RIF1: variants seen among roughly 807,000 people sequenced by gnomAD.
RIF1 encodes telomere-associated protein RIF1.
RIF1 carries 45 observed loss-of-function variants against 247.1 expected under a neutral mutation model. The ratio of observed to expected loss-of-function variants is 0.18; its 90% CI spans 0.14 to 0.23. The LOEUF (loss-of-function observed/expected upper bound fraction) is 0.23, where lower values mean the gene tolerates loss of function less well. RIF1 is among the 10% of genes least tolerant of loss of function. The probability of loss-of-function intolerance (pLI) is 1.00; values close to 1 mark genes in which losing one functional copy is unlikely to be tolerated. For synonymous variants in RIF1, 1,087 were observed against 978.8 expected (o/e 1.11, Z -2.06); for missense variants, 2,967 against 2,862.5 (o/e 1.04, Z -0.83).
intron 21 of RIF1, among the ~76,000 whole-genome samples, chr2:151,452,867 G>T (rs1479221270): frequency 6.6e-6 from 1 of 152,180 alleles, no homozygotes; most frequent in Non-Finnish European, 1.5e-5. Flanking sequence ...ATCCAATTCA[G>T]GAACCCACAG....
At chr2:151,432,823 C>T (rs1690422221) in intron 9 of RIF1, among the ~76,000 whole-genome samples, 2 of 152,124 alleles carry the variant, frequency 1.3e-5, no homozygotes, top group South Asian at 4.1e-4. Flanking sequence ...ATTGCCCCGG[C>T]ACACAATATC....
intron 8 of RIF1, among the ~76,000 whole-genome samples, chr2:151,427,782 T>C (rs1689381603): frequency 6.7e-6 from 1 of 149,852 alleles, no homozygotes; most frequent in Admixed American, 6.7e-5. Context: ...ATACAAAAAT[T>C]AGGCCGGCAT....
At position 151,489,896 on chromosome 2, in the gene RIF1, C is replaced by G. The variant is rs562192701; in HGVS notation, c.*416-5333C>G. On this transcript the variant is annotated intron_variant and NMD_transcript_variant, in intron 9 of 13. Coordinates refer to the RIF1 transcript ENST00000454583. ...GGTTTGGTTAAAAAAAACCGTAATA[C>G]CTAATACTTATAATCATGTTTGCAC... is the stretch of plus-strand genomic sequence containing the variant. 5.7e-5 allele frequency: 66 copies of G among 1,167,148 alleles called. No homozygotes were observed. The East Asian group carries it at 1.4e-3, about 25-fold the overall frequency. 72.3% of individuals were successfully genotyped at this position (1,167,148 alleles called of 1,614,324 possible).
At chr2:151,518,509 G>T in the RIF1 span, 1 of 805,486 alleles carries the variant, frequency 1.2e-6, no homozygotes. Context: ...CGTTTACACA[G>T]CACCATTGTC....
chr2:151,450,442 A>G (rs537412008), intron 20 of RIF1, among the ~76,000 whole-genome samples: 22 of 152,296 alleles, frequency 1.4e-4, no homozygotes, highest in African/African-American at 5.3e-4. Flanking sequence ...ATTGTTATAC[A>G]TTAGAGATTA....
downstream of RIF1, chr2:151,512,791 G>A (rs767053656): frequency 6.2e-7 from 1 of 1,613,852 alleles, no homozygotes; most frequent in Admixed American, 1.7e-5. Context: ...ATCAACCACA[G>A]AAGTGAAATT....
chr2:151,431,727 G>A (rs544521995), intron 9 of RIF1, among the ~76,000 whole-genome samples: 6 of 152,218 alleles, frequency 3.9e-5, no homozygotes, highest in East Asian at 1.9e-4. Context: ...GCAGTGAGCC[G>A]AGATCATGCC....
intron 20 of RIF1, among the ~76,000 whole-genome samples, chr2:151,449,315 T>C (rs1346723717): frequency 6.6e-6 from 1 of 152,220 alleles, no homozygotes; most frequent in Non-Finnish European, 1.5e-5. Flanking sequence ...GGAGTTCTCA[T>C]TGTTCAATTT....
intron 13 of RIF1, chr2:151,507,028 T>TAAAC (rs1353413783): frequency 7.0e-7 from 1 of 1,438,846 alleles, no homozygotes; most frequent in East Asian, 2.3e-5. Context: ...GAAGAAAGAG[T>TAAAC]AAACATCTTG....
chr2:151,513,864 A>C, the RIF1 span, among the ~76,000 whole-genome samples: 3 of 152,222 alleles, frequency 2.0e-5, no homozygotes, highest in Non-Finnish European at 4.4e-5. Flanking sequence ...TGGTGTCTTC[A>C]GAAGCCCTCT....
At chr2:151,417,009 T>A in intron 6 of RIF1, 108 bp downstream of exon 6, 18 of 743,022 alleles carry the variant, frequency 2.4e-5, no homozygotes, top group East Asian at 5.4e-5. Context: ...GGGGGGAATG[T>A]CATTTACACC....
At chr2:151,528,234 G>A in the RIF1 span, among the ~76,000 whole-genome samples, 1 of 152,178 alleles carries the variant, frequency 6.6e-6, no homozygotes, top group Non-Finnish European at 1.5e-5. Flanking sequence ...CCACAGAAGT[G>A]TATGTAATTT....
At chr2:151,426,670 G>GTT (rs1281058182) in intron 8 of RIF1, among the ~76,000 whole-genome samples, 1 of 142,910 alleles carries the variant, frequency 7.0e-6, no homozygotes, top group African/African-American at 2.6e-5. Context: ...TTTTTTTTTT[G>GTT]TTTTTTTTTT....
intron 20 of RIF1, among the ~76,000 whole-genome samples, chr2:151,448,167 C>A (rs1693646873): frequency 2.0e-5 from 3 of 151,850 alleles, no homozygotes; most frequent in Non-Finnish European, 4.4e-5. Flanking sequence ...GATTCTCCTC[C>A]CTAGTAGCTG....
In RIF1 at chr2:151,464,655, C is replaced by T. The variant is rs754872498; in HGVS notation, c.5135C>T (p.Thr1712Ile). Residue 1712 changes from threonine (T) to isoleucine (I), a missense_variant, in exon 30 of 36, where the codon ACT becomes ATT. Thr to Ile is a moderately conservative substitution (Grantham distance 89). Around this residue, in one of 7 missense-constraint regions of RIF1, gnomAD observed 2,028 missense variants for 1,825.6 expected, o/e 1.11. Transcript: ENST00000444746. ...GATATTTCTTCGCTTTCAGAAAAAA[C>T]TTTTCAAACACTTGAATGCCAACAC... ...ISDISSLSEK[T>I]FQTLECQHKR... is the part of the protein sequence containing the mutation. The T allele has an allele frequency of 1.9e-6, 3 of 1,613,244 alleles. No homozygotes were observed. Among genetic ancestry groups the T allele is most frequent in the Non-Finnish European group, 2.5e-6 (3 of 1,179,546 alleles).
chr2:151,497,528 G>A, intron 10 of RIF1: 1 of 1,502,598 alleles, frequency 6.7e-7, no homozygotes, highest in Non-Finnish European at 8.9e-7. Flanking sequence ...CAAAATTTAA[G>A]TTGTCTTTAA....
At chr2:151,473,292 C>CTT (rs11305289) in intron 34 of RIF1, among the ~76,000 whole-genome samples, 92 of 125,910 alleles carry the variant, frequency 7.3e-4, no homozygotes, top group East Asian at 3.0e-3. Flanking sequence ...AAATTGTATC[C>CTT]TTTTTTTTTT....
Position 151,463,116 on chromosome 2 carries a change from G to T in RIF1, c.3596G>T (p.Ser1199Ile). 1 of 1,613,946 alleles carries T rather than the reference G, an allele frequency of 6.2e-7. No homozygotes were observed. The highest frequency in any genetic ancestry group is 8.5e-7 in the Non-Finnish European group (1 of 1,179,856). The part of the protein sequence containing the change: ...SSTENSFVVS[S>I]SSVSNTTVAG... Reference sequence around the variant, plus strand: ...ACAGAAAATTCTTTCGTTGTCAGCAGTAGTTCAGTTTCTAATACCACTGTT... The same window carrying T: ...ACAGAAAATTCTTTCGTTGTCAGCATTAGTTCAGTTTCTAATACCACTGTT... The change falls in exon 30 of 36, where the codon AGT (serine) becomes ATT (isoleucine). Residue 1199 changes from serine to isoleucine, a missense_variant. Ser to Ile is a moderately radical substitution (Grantham distance 142). Coordinates refer to ENST00000444746, the MANE Select transcript of RIF1 (RefSeq NM_018151.5).
At chr2:151,469,885 T>C (rs551960529) in intron 34 of RIF1, 21 bp downstream of exon 34, 1 of 1,541,924 alleles carries the variant, frequency 6.5e-7, no homozygotes, top group East Asian at 2.3e-5. Flanking sequence ...AGATATTAGC[T>C]ATGATGTATA....
Sources: allele counts gnomAD v4.1 joint callset (sites outside exome capture counted in the v4.1 genomes callset), GRCh38; gene constraint gnomAD v4.1.1; regional missense constraint gnomAD v4.1.1; transcripts MANE v1.5; gene names NCBI Gene and HGNC (gene_info 2026-07-23, HGNC 2026-07-21).